The following NDC1 variants were observed in gnomAD, a reference collection of about 807,000 sequenced individuals.
NDC1 encodes the protein NDC1 transmembrane nucleoporin.
In NDC1, 24 loss-of-function variants were observed where a neutral mutation model predicts 89.8. The observed-to-expected ratio is 0.27, with a 90% confidence interval of 0.19 to 0.38. The LOEUF (loss-of-function observed/expected upper bound fraction) is 0.38. NDC1 is among the 10% of genes least tolerant of loss of function. The pLI is 1.00. For missense variants in NDC1, 728 were observed against 797.6 expected, an observed-to-expected ratio of 0.91 and a Z score of 1.05; for synonymous variants, 296 against 284.8, an observed-to-expected ratio of 1.04 and a Z score of -0.39.
intron 5 of NDC1, among the ~76,000 whole-genome samples, chr1:53,819,474 G>A (rs1414644185): frequency 6.6e-5 from 10 of 152,198 alleles, no homozygotes; most frequent in Admixed American, 6.5e-4. Context: ...TAAGAACCCT[G>A]TAAGGGAGTT....
In NDC1 at chr1:53,787,071, G is replaced by A. The variant is rs536370792; in HGVS notation, c.1800+87C>T. On this transcript the variant is annotated intron_variant, in intron 16 of 17. Transcript: ENST00000371429. Reference sequence around the variant, plus strand: ...TAACTTCCAACATGTTTTGTCACTCGATAAATGTGATATATAGGAAACAAA... The same window carrying A: ...TAACTTCCAACATGTTTTGTCACTCAATAAATGTGATATATAGGAAACAAA... The A allele has an allele frequency of 8.9e-5, 56 of 629,628 alleles. No homozygotes were observed. In the East Asian group the frequency reaches 1.1e-3, roughly 12 times the overall value. The allele number at this position is 629,628 out of a possible 1,614,324, so 39.0% of individuals were successfully genotyped here.
chr1:53,787,662 T>C (rs1647346806), intron 15 of NDC1, among the ~76,000 whole-genome samples: 2 of 147,860 alleles, frequency 1.4e-5, no homozygotes, highest in East Asian at 2.0e-4. Context: ...AATAAATAAA[T>C]AGATAAATAA....
intron 16 of NDC1, among the ~76,000 whole-genome samples, chr1:53,785,064 AC>A (rs2100634979): frequency 6.6e-6 from 1 of 152,162 alleles, no homozygotes; most frequent in East Asian, 1.9e-4. Context: ...CAGCTCTGCC[AC>A]CTAGGAGATT....
Position 53,828,051 on chromosome 1 carries a change from T to C in NDC1, c.403A>G (p.Ile135Val), listed in dbSNP as rs1013025245. The change falls in exon 4 of 18, where the codon ATA (isoleucine) becomes GTA (valine). Residue 135 changes from isoleucine to valine, a missense_variant. Transcript: ENST00000371429. Reference sequence around the variant, plus strand: ...AGAAAGCTGTACTGGCCCTGGGTTATCACTGCAGCACACCAGGCCATCACC... The same window carrying C: ...AGAAAGCTGTACTGGCCCTGGGTTACCACTGCAGCACACCAGGCCATCACC... ...GMVMAWCAAVITQGQYSFLVV... is the reference protein window; with the variant it reads ...GMVMAWCAAVVTQGQYSFLVV... The C allele has an allele frequency of 3.1e-6, 5 of 1,613,868 alleles. No individual in the cohort carries two copies. In the African/African-American group the frequency reaches 6.7e-5, roughly 22 times the overall value.
intron 9 of NDC1, among the ~76,000 whole-genome samples, chr1:53,804,743 C>T (rs1648045467): frequency 6.6e-6 from 1 of 151,484 alleles, no homozygotes; most frequent in African/African-American, 2.4e-5. Flanking sequence ...TCCCAAAGTG[C>T]TGGGATTACA....
intron 11 of NDC1, among the ~76,000 whole-genome samples, chr1:53,799,232 G>A (rs1032438597): frequency 6.6e-6 from 1 of 152,170 alleles, no homozygotes; most frequent in African/African-American, 2.4e-5. Flanking sequence ...CCTTTTGGCA[G>A]TTATATTGTA....
At chr1:53,818,852 T>C (rs112709997) in intron 6 of NDC1, 119 bp downstream of exon 6, 8 of 558,448 alleles carry the variant, frequency 1.4e-5, no homozygotes, top group African/African-American at 7.9e-5. Flanking sequence ...AATGAATCAG[T>C]TGAGCTAATC....
intron 14 of NDC1, among the ~76,000 whole-genome samples, chr1:53,792,192 T>C (rs1647540219): frequency 1.3e-5 from 2 of 152,142 alleles, no homozygotes; most frequent in Non-Finnish European, 2.9e-5. Flanking sequence ...TCCGCCCGCC[T>C]TGGCCTCCAA....
At chr1:53,796,863 T>C in intron 12 of NDC1, 36 bp downstream of exon 12, 3 of 1,607,678 alleles carry the variant, frequency 1.9e-6, no homozygotes, top group South Asian at 2.2e-5. Flanking sequence ...CTCTGCAACA[T>C]GACATTTAAA....
chr1:53,794,363 T>A (rs1220604821), intron 13 of NDC1, among the ~76,000 whole-genome samples: 1 of 152,182 alleles, frequency 6.6e-6, no homozygotes, highest in Non-Finnish European at 1.5e-5. Context: ...TAAAAGTGAA[T>A]CTGCTCCTAC....
chr1:53,815,677 T>A (rs978767155), intron 6 of NDC1, among the ~76,000 whole-genome samples: 1 of 152,222 alleles, frequency 6.6e-6, no homozygotes, highest in Non-Finnish European at 1.5e-5. Context: ...TGTTTGCTGA[T>A]GATATGATCG....
chr1:53,823,060 G>C (rs1249950397), intron 5 of NDC1, among the ~76,000 whole-genome samples: 1 of 152,128 alleles, frequency 6.6e-6, no homozygotes, highest in Non-Finnish European at 1.5e-5. Context: ...CTTCTCGGGA[G>C]GCAAACCTAC....
chr1:53,832,129 C>G (rs1009818436), intron 3 of NDC1, among the ~76,000 whole-genome samples: 2 of 152,040 alleles, frequency 1.3e-5, no homozygotes, highest in Non-Finnish European at 2.9e-5. Flanking sequence ...TAACCACTAC[C>G]ACCATCCAGC....
chr1:53,814,945 G>C (rs1201955643), intron 6 of NDC1, among the ~76,000 whole-genome samples: 1 of 152,110 alleles, frequency 6.6e-6, no homozygotes, highest in South Asian at 2.1e-4. Context: ...AACAAGCAGT[G>C]AGATTGAAAT....
intron 16 of NDC1, among the ~76,000 whole-genome samples, chr1:53,780,785 T>C (rs950409334): frequency 3.9e-5 from 6 of 152,152 alleles, no homozygotes; most frequent in Admixed American, 3.3e-4. Context: ...TTTAATGTCA[T>C]AGAACCACAC....
At chr1:53,816,588 C>G (rs190180881) in intron 6 of NDC1, among the ~76,000 whole-genome samples, 2 of 149,546 alleles carry the variant, frequency 1.3e-5, no homozygotes, top group African/African-American at 5.0e-5. Context: ...ATAAAAACAA[C>G]GATAAATAGC....
At chr1:53,833,023 G>A (rs1379669279) in intron 2 of NDC1, among the ~76,000 whole-genome samples, 1 of 151,816 alleles carries the variant, frequency 6.6e-6, no homozygotes, top group Non-Finnish European at 1.5e-5. Context: ...AAAACAAAGG[G>A]GGGGAGAAAA....
At chr1:53,783,159 T>A (rs1647230469) in intron 16 of NDC1, among the ~76,000 whole-genome samples, 3 of 151,998 alleles carry the variant, frequency 2.0e-5, no homozygotes, top group Admixed American at 2.0e-4. Context: ...AGGTGATAGT[T>A]GTGGGTTGAG....
At chr1:53,768,841 A>G (rs574042286) in intron 17 of NDC1, among the ~76,000 whole-genome samples, 1 of 152,352 alleles carries the variant, frequency 6.6e-6, no homozygotes, top group South Asian at 2.1e-4. Flanking sequence ...TACTGTACAA[A>G]GATGCCCTCT....
Sources: allele counts gnomAD v4.1 joint callset (sites outside exome capture counted in the v4.1 genomes callset), GRCh38; gene constraint gnomAD v4.1.1; transcripts MANE v1.5; gene names NCBI Gene and HGNC (gene_info 2026-07-23, HGNC 2026-07-21).